SPAG6: variants seen among roughly 807,000 people sequenced by gnomAD.
SPAG6 encodes sperm associated antigen 6.
A neutral mutation model predicts 58.5 loss-of-function variants in SPAG6; 49 were observed. The observed-to-expected ratio is 0.84, with a 90% confidence interval of 0.67 to 1.06. The LOEUF (loss-of-function observed/expected upper bound fraction) is 1.06. SPAG6 is among the 50% of genes least tolerant of loss of function. SPAG6 has a pLI of 0.00. For missense variants in SPAG6, 560 were observed against 611.3 expected, an observed-to-expected ratio of 0.92 and a Z score of 0.89; for synonymous variants, 233 against 225.6, an observed-to-expected ratio of 1.03 and a Z score of -0.29.
intron 2 of SPAG6, among the ~76,000 whole-genome samples, chr10:22,353,196 A>G (rs1485064821): frequency 1.3e-5 from 2 of 152,254 alleles, no homozygotes; most frequent in Admixed American, 6.5e-5. Flanking sequence ...CATGTTACCT[A>G]TGAAAACTCT....
At chr10:22,368,888 G>C (rs1283065347) in intron 4 of SPAG6, among the ~76,000 whole-genome samples, 1 of 152,030 alleles carries the variant, frequency 6.6e-6, no homozygotes, top group Non-Finnish European at 1.5e-5. Flanking sequence ...TATCTTAGCA[G>C]AAGGGAAATT....
chr10:22,409,481 T>C (rs1354876554), intron 9 of SPAG6, among the ~76,000 whole-genome samples: 1 of 152,214 alleles, frequency 6.6e-6, no homozygotes, highest in Non-Finnish European at 1.5e-5. Context: ...ATTAAGTTGT[T>C]CTTCAGGGAA....
At chr10:22,379,756 A>G (rs566347751) in intron 4 of SPAG6, among the ~76,000 whole-genome samples, 6 of 152,240 alleles carry the variant, frequency 3.9e-5, no homozygotes, top group Non-Finnish European at 8.8e-5. Context: ...ATAGCAGTAG[A>G]TAACTAAACC....
chr10:22,394,083 G>T (rs1046229533), intron 8 of SPAG6, among the ~76,000 whole-genome samples: 2 of 151,968 alleles, frequency 1.3e-5, no homozygotes, highest in Non-Finnish European at 2.9e-5. Context: ...ATTTTAAATT[G>T]GGTTACTTAT....
At chr10:22,398,405 GA>G (rs1564377021) in intron 8 of SPAG6, among the ~76,000 whole-genome samples, 1 of 147,244 alleles carries the variant, frequency 6.8e-6, no homozygotes, top group Non-Finnish European at 1.5e-5. Flanking sequence ...ATTTCATCAA[GA>G]TAAAAAAAAA....
Position 22,416,884 on chromosome 10 carries a change from G to T in SPAG6, c.*196G>T, listed in dbSNP as rs1209113349. Reference sequence around the variant, plus strand: ...TGTGAGGAACTATTCATGGTCATTCGCATGCATAGGATTTGTTCTACAGGT... The same window carrying T: ...TGTGAGGAACTATTCATGGTCATTCTCATGCATAGGATTTGTTCTACAGGT... On this transcript the variant is annotated 3_prime_UTR_variant, in exon 11 of 11. Coordinates refer to ENST00000376624, the MANE Select transcript of SPAG6 (RefSeq NM_012443.4). 2 of 424,302 alleles carry T rather than the reference G, an allele frequency of 4.7e-6. No individual in the cohort carries two copies. Among genetic ancestry groups the T allele is most frequent in the South Asian group, 4.1e-5 (1 of 24,436 alleles). 26.3% of individuals were successfully genotyped at this position (424,302 alleles called of 1,614,324 possible).
intron 2 of SPAG6, among the ~76,000 whole-genome samples, chr10:22,361,829 TA>T (rs986159968): frequency 2.8e-4 from 42 of 151,894 alleles, no homozygotes; most frequent in African/African-American, 9.9e-4. Context: ...AATAAACACT[TA>T]AAATTAAATA....
intron 9 of SPAG6, among the ~76,000 whole-genome samples, chr10:22,408,629 G>T (rs1453552931): frequency 2.0e-5 from 3 of 152,050 alleles, no homozygotes; most frequent in Admixed American, 1.3e-4. Context: ...GCCTACAGAG[G>T]CAGGCAGGCC....
chr10:22,362,050 ATATT>A (rs887535353), intron 2 of SPAG6, among the ~76,000 whole-genome samples: 22 of 146,160 alleles, frequency 1.5e-4, no homozygotes, highest in African/African-American at 4.7e-4. Flanking sequence ...ATTATTTTAT[ATATT>A]TATTCTATAT....
chr10:22,397,958 A>T (rs1234128292), intron 8 of SPAG6, among the ~76,000 whole-genome samples: 1 of 152,182 alleles, frequency 6.6e-6, no homozygotes, highest in Non-Finnish European at 1.5e-5. Context: ...CTAGCAAAAC[A>T]ATCTTGAAAA....
chr10:22,400,460 G>A (rs1401267630), intron 8 of SPAG6, among the ~76,000 whole-genome samples: 1 of 152,038 alleles, frequency 6.6e-6, no homozygotes, highest in African/African-American at 2.4e-5. Flanking sequence ...TTCTCCACTT[G>A]TAGCAAGGGT....
At chr10:22,365,965 T>A (rs1407522064) in intron 3 of SPAG6, among the ~76,000 whole-genome samples, 1 of 152,120 alleles carries the variant, frequency 6.6e-6, no homozygotes, top group Non-Finnish European at 1.5e-5. Flanking sequence ...ACATTGCTGG[T>A]AGGAATGTAA....
rs2130660494 is a variant in SPAG6 at position 22,417,309 on chromosome 10, A to C, written c.*621A>C. On this transcript the variant is annotated 3_prime_UTR_variant, in exon 11 of 11. Transcript: ENST00000376624. ...CCCCACCCTATCTAAAGTGTTCCTT[A>C]CCTTTCATGGGCCCAGCGAGGGTAG... The C allele has an allele frequency of 6.6e-6, 1 of 152,310 alleles. No homozygotes were observed. Among genetic ancestry groups the C allele is most frequent in the South Asian group, 2.1e-4 (1 of 4,834 alleles). 9.4% of individuals were successfully genotyped at this position (152,310 alleles called of 1,614,324 possible). A position where few individuals can be genotyped will look rare whatever the true frequency, so the allele number is the denominator to read the frequency against.
At chr10:22,411,486 T>G (rs1834734091) in intron 10 of SPAG6, 1 of 193,316 alleles carries the variant, frequency 5.2e-6, no homozygotes, top group African/African-American at 2.3e-5. Flanking sequence ...TACCTGATTA[T>G]AAAAGGCCTA....
Position 22,391,730 on chromosome 10 carries a change from G to A in SPAG6, c.1007G>A (p.Gly336Asp). 1.2e-6 allele frequency: 2 copies of A among 1,613,212 alleles called. No individual in the cohort carries two copies. Among genetic ancestry groups the A allele is most frequent in the Non-Finnish European group, 1.7e-6 (2 of 1,179,542 alleles). The change falls in exon 8 of 11, where the codon GGT becomes GAT. Residue 336 changes from glycine to aspartate, a missense_variant and splice_region_variant. By Grantham distance (94) the Gly-to-Asp change is moderately conservative. Coordinates refer to ENST00000376624, the MANE Select transcript of SPAG6 (RefSeq NM_012443.4). ...NLAMAVIISK[G>D]VPQLSVCLSE... ...TTGCTCTTTTGATCCACGCTGCAGGGTGTACCCCAGTTGTCAGTCTGCTTG... is the reference window on the plus strand; with the variant it reads ...TTGCTCTTTTGATCCACGCTGCAGGATGTACCCCAGTTGTCAGTCTGCTTG...
intron 3 of SPAG6, among the ~76,000 whole-genome samples, chr10:22,368,187 T>C (rs7897640): frequency 0.045 from 6,862 of 152,296 alleles, 197 homozygotes; most frequent in Admixed American, 0.068. Flanking sequence ...ACATAAAATC[T>C]CGTTATTTTA....
At position 22,345,854 on chromosome 10, in the gene SPAG6, G is replaced by T. The variant is rs546600661; in HGVS notation, c.121+36G>T. 5 of 1,597,626 alleles carry T rather than the reference G, an allele frequency of 3.1e-6. No individual in the cohort carries two copies. The highest frequency in any genetic ancestry group is 1.1e-5 in the South Asian group (1 of 89,012). On this transcript the variant is annotated intron_variant, in intron 2 of 10. Transcript: ENST00000376624. The surrounding 1 kb of genome is among the most constrained non-coding windows in gnomAD (Gnocchi z 6.3). ...AGCCCGAACCCCCGTCGCCCCCCGC[G>T]CACTGAGTCCCCGACGCCTCCGCCC...
At chr10:22,414,862 G>A (rs913627097) in intron 10 of SPAG6, among the ~76,000 whole-genome samples, 2 of 152,204 alleles carry the variant, frequency 1.3e-5, no homozygotes, top group African/African-American at 2.4e-5. Flanking sequence ...CACCTCTGGG[G>A]TTCAAGCAAT....
intron 4 of SPAG6, among the ~76,000 whole-genome samples, chr10:22,378,717 ATTG>A (rs1293216010): frequency 1.3e-5 from 2 of 151,960 alleles, no homozygotes; most frequent in African/African-American, 2.4e-5. Context: ...TCCTCAGCCT[ATTG>A]TTGTTCAAGG....
Sources: allele counts gnomAD v4.1 joint callset (sites outside exome capture counted in the v4.1 genomes callset), GRCh38; gene constraint gnomAD v4.1.1; non-coding constraint Gnocchi (gnomAD v3.1); transcripts MANE v1.5; gene names NCBI Gene and HGNC (gene_info 2026-07-23, HGNC 2026-07-21).